Variants in TENM3 observed in about 807,000 individuals in gnomAD.
TENM3 encodes the protein teneurin-3.
A neutral mutation model predicts 255.1 loss-of-function variants in TENM3; 63 were observed. That is an observed-to-expected ratio of 0.25 (90% CI 0.20 to 0.30). The LOEUF (loss-of-function observed/expected upper bound fraction) is 0.30, where lower values mean the gene tolerates loss of function less well. Among genes scored for constraint, TENM3 ranks in the 10% least tolerant of loss-of-function variants. The probability of loss-of-function intolerance (pLI) is 1.00; values close to 1 mark genes in which losing one functional copy is unlikely to be tolerated. For synonymous variants in TENM3, 1,306 were observed against 1,322.3 expected, an observed-to-expected ratio of 0.99 and a Z score of 0.27; for missense variants, 2,929 against 3,461.1, an observed-to-expected ratio of 0.85 and a Z score of 3.86.
intron 25 of TENM3, among the ~76,000 whole-genome samples, chr4:182,791,554 T>A (rs1766104002): frequency 6.6e-6 from 1 of 152,200 alleles, no homozygotes; most frequent in Non-Finnish European, 1.5e-5. Flanking sequence ...ACCATCCTTA[T>A]TGCTCCTGAG....
At chr4:181,679,330 A>T in the TENM3 span, among the ~76,000 whole-genome samples, 1 of 152,100 alleles carries the variant, frequency 6.6e-6, no homozygotes, top group Non-Finnish European at 1.5e-5. Context: ...GGGCTGCCCC[A>T]TTCACGAATC....
chr4:181,813,968 C>T, the TENM3 span, among the ~76,000 whole-genome samples: 1 of 151,986 alleles, frequency 6.6e-6, no homozygotes, highest in Non-Finnish European at 1.5e-5. Context: ...CTTAATGAAA[C>T]ATGAAAAACT....
At chr4:182,687,710 C>A (rs1756691250) in intron 11 of TENM3, among the ~76,000 whole-genome samples, 1 of 151,984 alleles carries the variant, frequency 6.6e-6, no homozygotes, top group African/African-American at 2.4e-5. Context: ...TAGAAACAAC[C>A]CCATTTCAAA....
the TENM3 span, among the ~76,000 whole-genome samples, chr4:182,002,890 C>A: frequency 2.0e-5 from 3 of 152,048 alleles, no homozygotes; most frequent in South Asian, 2.1e-4. Context: ...TCCTAAAACA[C>A]GGCCTTTATA....
At chr4:182,483,573 TCAA>T (rs1409254874) in intron 3 of TENM3, among the ~76,000 whole-genome samples, 1 of 152,206 alleles carries the variant, frequency 6.6e-6, no homozygotes, top group East Asian at 1.9e-4. Context: ...CCCATATATC[TCAA>T]CAATGAGGTA....
the TENM3 span, among the ~76,000 whole-genome samples, chr4:181,949,781 C>G: frequency 8.1e-5 from 12 of 148,244 alleles, no homozygotes; most frequent in Non-Finnish European, 1.3e-4. Context: ...CTCCACGTTC[C>G]TCCTCAGTCC....
At chr4:182,136,983 C>CA in the TENM3 span, among the ~76,000 whole-genome samples, 3 of 152,108 alleles carry the variant, frequency 2.0e-5, no homozygotes, top group Non-Finnish European at 4.4e-5. Flanking sequence ...CATCCCCCCC[C>CA]ACCCAATACA....
At chr4:182,610,321 T>C (rs1222751054) in intron 4 of TENM3, among the ~76,000 whole-genome samples, 1 of 143,886 alleles carries the variant, frequency 6.9e-6, no homozygotes, top group Non-Finnish European at 1.6e-5. Flanking sequence ...AGAAAGGACC[T>C]GCAGATGTTT....
the TENM3 span, among the ~76,000 whole-genome samples, chr4:182,111,876 C>T: frequency 0.26 from 39,738 of 152,164 alleles, 5,818 homozygotes; most frequent in East Asian, 0.52. Flanking sequence ...TTCAGCTTCT[C>T]TCTCAAGACC....
the TENM3 span, among the ~76,000 whole-genome samples, chr4:182,092,347 A>G: frequency 1.3e-5 from 2 of 151,748 alleles, no homozygotes. Flanking sequence ...TAAATAAATA[A>G]ACAAACAAAC....
chr4:182,665,392 C>T (rs947119901), intron 6 of TENM3, among the ~76,000 whole-genome samples: 1 of 152,118 alleles, frequency 6.6e-6, no homozygotes, highest in Admixed American at 6.5e-5. Flanking sequence ...TACCTAGTCC[C>T]CCAAGAGCTC....
the TENM3 span, among the ~76,000 whole-genome samples, chr4:181,645,740 T>C: frequency 4.3e-3 from 657 of 152,290 alleles, 4 homozygotes; most frequent in African/African-American, 0.015. Flanking sequence ...AAGCAGCCGC[T>C]GAACTGGAAG....
chr4:181,816,866 G>T, the TENM3 span, among the ~76,000 whole-genome samples: 4 of 152,272 alleles, frequency 2.6e-5, no homozygotes, highest in East Asian at 3.9e-4. Flanking sequence ...ATAACTTGCC[G>T]AATACTTTTT....
At chr4:182,182,502 A>C (rs1412329307) in intron 1 of TENM3, among the ~76,000 whole-genome samples, 1 of 152,158 alleles carries the variant, frequency 6.6e-6, no homozygotes, top group Admixed American at 6.5e-5. Flanking sequence ...TCACCTTGGA[A>C]TGGTTCTGAT....
intron 3 of TENM3, among the ~76,000 whole-genome samples, chr4:182,404,104 T>C (rs1277197029): frequency 6.6e-6 from 1 of 152,230 alleles, no homozygotes; most frequent in African/African-American, 2.4e-5. Flanking sequence ...CTTTTTTCAA[T>C]CACTGTCAGT....
At chr4:182,440,850 G>A (rs1405381101) in intron 3 of TENM3, among the ~76,000 whole-genome samples, 2 of 151,720 alleles carry the variant, frequency 1.3e-5, no homozygotes, top group South Asian at 2.1e-4. Flanking sequence ...TTTATTTCAG[G>A]TTTGGGGATA....
the TENM3 span, chr4:181,877,052 G>A: frequency 4.6e-5 from 7 of 151,994 alleles, no homozygotes; most frequent in African/African-American, 7.2e-5. Flanking sequence ...ACCTAAAACC[G>A]ATTGTATATC....
At chr4:182,680,387 T>C (rs1376810067) in intron 9 of TENM3, 38 bp downstream of exon 9, 1 of 1,442,462 alleles carries the variant, frequency 6.9e-7, no homozygotes, top group Non-Finnish European at 9.6e-7. Context: ...CCGATATAAA[T>C]AAGCTGTAGA....
intron 1 of TENM3, among the ~76,000 whole-genome samples, chr4:182,263,351 T>C (rs1180009515): frequency 6.6e-6 from 1 of 152,036 alleles, no homozygotes; most frequent in Admixed American, 6.5e-5. Context: ...CCTGCCCTCT[T>C]AATAAAAGGC....
Sources: allele counts gnomAD v4.1 joint callset (sites outside exome capture counted in the v4.1 genomes callset), GRCh38; gene constraint gnomAD v4.1.1; transcripts MANE v1.5; gene names NCBI Gene and HGNC (gene_info 2026-07-23, HGNC 2026-07-21).